The following DNHD1 variants were observed in gnomAD, a reference collection of about 807,000 sequenced individuals.
DNHD1 encodes dynein heavy chain domain-containing protein 1.
A neutral mutation model predicts 458.1 loss-of-function variants in DNHD1; 383 were observed. The ratio of observed to expected loss-of-function variants is 0.84; its 90% confidence interval spans 0.77 to 0.91. DNHD1 has a LOEUF of 0.91. Ranked by LOEUF, DNHD1 falls within the 40% of genes least tolerant of loss-of-function variation. The pLI is 0.00. For synonymous variants in DNHD1, 2,203 were observed against 2,376.9 expected (o/e 0.93, Z 2.13); for missense variants, 5,336 against 5,866.1 (o/e 0.91, Z 2.95).
chr11:6,566,401 C>T lies in DNHD1; in HGVS notation c.11206+8C>T. ...TCTGTGCCATGGAAAAAGGTGAGGC[C>T]CAGAGGGCAAATTGCCAGCACAGTT... On this transcript the variant is annotated splice_region_variant and intron_variant, in intron 34 of 42. Transcript: ENST00000254579. 6.4e-7 allele frequency: 1 copy of T among 1,558,490 alleles called. No individual in the cohort carries two copies. The highest frequency in any genetic ancestry group is 8.7e-7 in the Non-Finnish European group (1 of 1,151,000).
At chr11:6,556,283 A>AT (rs929394747) in intron 24 of DNHD1, among the ~76,000 whole-genome samples, 38 of 151,612 alleles carry the variant, frequency 2.5e-4, no homozygotes, top group Admixed American at 3.9e-4. Context: ...CCTAAAGTTG[A>AT]TTTTTTTTTA....
At chr11:6,569,082 C>T (rs1313662035) in intron 39 of DNHD1, among the ~76,000 whole-genome samples, 1 of 152,132 alleles carries the variant, frequency 6.6e-6, no homozygotes, top group African/African-American at 2.4e-5. Flanking sequence ...CCTTTCTGAG[C>T]AGAGGGACCT....
At position 6,520,529 on chromosome 11, in the gene DNHD1, A is replaced by C. The variant is rs181964488; in HGVS notation, c.1837+240A>C. Reference sequence around the variant, plus strand: ...CGTGCAATGAGAGGGTGTATGAAAGAGTGTGAGTACATTGTCCTTCCAAAC... The same window carrying C: ...CGTGCAATGAGAGGGTGTATGAAAGCGTGTGAGTACATTGTCCTTCCAAAC... On this transcript the variant is annotated intron_variant, in intron 10 of 42. Coordinates refer to ENST00000254579, the MANE Select transcript of DNHD1 (RefSeq NM_144666.3). 1.0e-5 allele frequency: 14 copies of C among 1,371,266 alleles called. 1 individual carries two copies. The Admixed American group carries it at 4.1e-4, about 40-fold the overall frequency. The allele number at this position is 1,371,266 out of a possible 1,614,324, so 84.9% of individuals were successfully genotyped here.
chr11:6,528,563 C>G lies in DNHD1; in HGVS notation c.1879C>G (p.Pro627Ala). The change falls in exon 11 of 43, where the codon CCC becomes GCC. Residue 627 changes from proline (P) to alanine (A), a missense_variant. Around this residue, in one of 4 missense-constraint regions of DNHD1, gnomAD observed 3,932 missense variants for 4,365.6 expected, o/e 0.90. Transcript: ENST00000254579. ...EEDSKDEFLMPKFQGQPSDAV... is the reference protein window; with the variant it reads ...EEDSKDEFLMAKFQGQPSDAV... ...GGACTCAAAAGACGAATTTCTGATG[C>G]CCAAGTTCCAGGGCCAGCCCAGCGA... 6.4e-7 allele frequency: 1 copy of G among 1,551,026 alleles called. No homozygotes were observed. The highest frequency in any genetic ancestry group is 1.2e-5 in the South Asian group (1 of 84,054).
chr11:6,545,349 C>T lies in DNHD1; in HGVS notation c.4410C>T (p.Arg1470=). The change falls in exon 21 of 43, where the codon CGC becomes CGT. Residue 1470 remains arginine, a synonymous_variant. Transcript: ENST00000254579. This position sits in a 1 kb window ranked among gnomAD's most constrained non-coding sequence, Gnocchi z 4.9. ...VHMLQGCVAA[R]LARGPSLGEA... ...TGCTGCAGGGCTGTGTGGCTGCTCG[C>T]CTTGCTCGAGGCCCATCTCTAGGTG... The T allele has an allele frequency of 6.4e-7, 1 of 1,551,782 alleles. No homozygotes were observed. The highest frequency in any genetic ancestry group is 8.7e-7 in the Non-Finnish European group (1 of 1,147,012).
chr11:6,512,252 G>C (rs61554870), intron 7 of DNHD1, among the ~76,000 whole-genome samples: 6 of 107,418 alleles, frequency 5.6e-5, no homozygotes, highest in Non-Finnish European at 1.0e-4. Context: ...ACGGAGTCTC[G>C]CTCTGTCACC....
Position 6,571,005 on chromosome 11 carries a change from C to T in DNHD1, c.13493C>T (p.Thr4498Met). 1.3e-6 allele frequency: 2 copies of T among 1,596,808 alleles called. No homozygotes were observed. Among genetic ancestry groups the T allele is most frequent in the African/African-American group, 2.7e-5 (2 of 74,700 alleles). The change falls in exon 42 of 43, where the codon ACG becomes ATG. Residue 4498 changes from threonine to methionine, a missense_variant. Thr to Met is a moderately conservative substitution (Grantham distance 81). Transcript: ENST00000254579. The surrounding 1 kb of genome is among the most constrained non-coding windows in gnomAD (Gnocchi z 5.0). ...CTAGAACTGAGCCAGTTGGTGGGCA[C>T]GCTACAACGCGACCTTGATTGCCTG... ...EALELSQLVG[T>M]LQRDLDCLLQ...
In DNHD1 at chr11:6,548,951, GGGAA is replaced by G. The variant is rs1853279359; in HGVS notation, c.7387+26_7387+29del. The G allele has an allele frequency of 6.5e-7, 1 of 1,549,924 alleles. No homozygotes were observed. Among genetic ancestry groups the G allele is most frequent in the Admixed American group, 2.0e-5 (1 of 50,432 alleles). On this transcript the variant is annotated intron_variant, in intron 24 of 42. Coordinates refer to ENST00000254579, the MANE Select transcript of DNHD1 (RefSeq NM_144666.3). This position sits in a 1 kb window ranked among gnomAD's most constrained non-coding sequence, Gnocchi z 4.4. ...CACTTCTGGTGAGGAGCTGCGAAGAGGGAAGGAAGGAGCTACTGTCATCTCTTGA... is the reference window on the plus strand; with the variant it reads ...CACTTCTGGTGAGGAGCTGCGAAGAGGGAAGGAGCTACTGTCATCTCTTGA...
At position 6,545,276 on chromosome 11, in the gene DNHD1, A is replaced by C. The variant is rs910046135; in HGVS notation, c.4337A>C (p.Lys1446Thr). Residue 1446 changes from lysine to threonine, a missense_variant, in exon 21 of 43, where the codon AAG becomes ACG. Lys to Thr is a moderately conservative substitution (Grantham distance 78). Coordinates refer to ENST00000254579, the MANE Select transcript of DNHD1 (RefSeq NM_144666.3). This position sits in a 1 kb window ranked among gnomAD's most constrained non-coding sequence, Gnocchi z 4.9. ...GPLPLHPDLP[K>T]WLASLEKCLR... The stretch of plus-strand genomic sequence containing the variant: ...CTTCCTCTGCATCCAGATCTCCCTA[A>C]GTGGCTGGCCTCTCTGGAGAAGTGT... 2 of 1,551,586 alleles carry C rather than the reference A, an allele frequency of 1.3e-6. No homozygotes were observed. The highest frequency in any genetic ancestry group is 2.7e-5 in the African/African-American group (2 of 73,052).
At chr11:6,533,573 A>G (rs1852876585) in intron 13 of DNHD1, 108 bp from the exon 14 acceptor site, 3 of 1,369,696 alleles carry the variant, frequency 2.2e-6, no homozygotes, top group South Asian at 1.5e-5. Flanking sequence ...CAAGGCTGCA[A>G]CTGGGTCTGG....
chr11:6,511,345 G>C lies in DNHD1; in HGVS notation c.1308G>C (p.Leu436=). The change falls in exon 7 of 43, where the codon CTG becomes CTC. Residue 436 remains leucine (L), a synonymous_variant. Transcript: ENST00000254579. ...ATCGGTGCTATGAGCTGCTGGACCT[G>C]CAGACGGCTCTAGCCGAGGAGAAGC... is the stretch of plus-strand genomic sequence containing the variant. ...ELDRCYELLD[L]QTALAEEKHK... 1 of 1,614,226 alleles carries C rather than the reference G, an allele frequency of 6.2e-7. No individual in the cohort carries two copies. The highest frequency in any genetic ancestry group is 8.5e-7 in the Non-Finnish European group (1 of 1,180,050).
rs1853843426 is a variant in DNHD1, at chr11:6,571,275, A to T, written c.13763A>T (p.His4588Leu). Residue 4588 changes from histidine to leucine, a missense_variant, in exon 42 of 43, where the codon CAC becomes CTC. Around this residue, in one of 4 missense-constraint regions of DNHD1, gnomAD observed 698 missense variants for 664.9 expected, o/e 1.05. Transcript: ENST00000254579. This position sits in a 1 kb window ranked among gnomAD's most constrained non-coding sequence, Gnocchi z 5.0. Reference sequence around the variant, plus strand: ...GTCTTCCACCTGTCAGCCTTTCGCCACCCGCGCCGCCTGCTGCTGGCATTG... The same window carrying T: ...GTCTTCCACCTGTCAGCCTTTCGCCTCCCGCGCCGCCTGCTGCTGGCATTG... ...ERVFHLSAFR[H>L]PRRLLLALRG... is the part of the protein sequence containing the mutation. 1 of 1,612,036 alleles carries T rather than the reference A, an allele frequency of 6.2e-7. No homozygotes were observed. Among genetic ancestry groups the T allele is most frequent in the Non-Finnish European group, 8.5e-7 (1 of 1,179,572 alleles).
At position 6,548,659 on chromosome 11, in the gene DNHD1, G is replaced by T. The variant is rs531607618; in HGVS notation, c.7113G>T (p.Leu2371Phe). Reference sequence around the variant, plus strand: ...CTGTCTTGCAGACTGAACGGCTCTTGTATGTGGTGGACCTGCTTCTGTCAG... The same window carrying T: ...CTGTCTTGCAGACTGAACGGCTCTTTTATGTGGTGGACCTGCTTCTGTCAG... ...FHPSIQTERLLYVVDLLLSGG... is the reference protein window; with the variant it reads ...FHPSIQTERLFYVVDLLLSGG... Residue 2371 changes from leucine (L) to phenylalanine (F), a missense_variant, in exon 24 of 43, where the codon TTG (leucine) becomes TTT (phenylalanine). Physicochemically the swap from Leu to Phe is conservative, Grantham distance 22 (BLOSUM62 0). Around this residue, in one of 4 missense-constraint regions of DNHD1, gnomAD observed 3,932 missense variants for 4,365.6 expected, o/e 0.90. Transcript: ENST00000254579. This position sits in a 1 kb window ranked among gnomAD's most constrained non-coding sequence, Gnocchi z 4.4. The T allele has an allele frequency of 3.4e-5, 52 of 1,551,618 alleles. No individual in the cohort carries two copies. In the East Asian group the frequency reaches 1.1e-3, roughly 32 times the overall value.
intron 6 of DNHD1, 144 bp downstream of exon 6, chr11:6,509,416 T>C: frequency 1.5e-6 from 1 of 689,478 alleles, no homozygotes; most frequent in Non-Finnish European, 2.4e-6. Context: ...ATGAACATTT[T>C]GTTGCATATC....
chr11:6,557,396 G>C lies in DNHD1; in HGVS notation c.8101G>C (p.Glu2701Gln), dbSNP rs767796881. 27 of 1,551,144 alleles carry C rather than the reference G, an allele frequency of 1.7e-5. No homozygotes were observed. The highest frequency in any genetic ancestry group is 2.2e-5 in the Non-Finnish European group (25 of 1,147,102). The change falls in exon 25 of 43, where the codon GAG (glutamate) becomes CAG (glutamine). Residue 2701 changes from glutamate to glutamine, a missense_variant. Around this residue, in one of 4 missense-constraint regions of DNHD1, gnomAD observed 3,932 missense variants for 4,365.6 expected, o/e 0.90. Transcript: ENST00000254579. Reference protein sequence around the residue: ...KDHQESEEEEEEERVPEVESE... With the variant: ...KDHQESEEEEQEERVPEVESE... ...CCATCAGGAGAGTGAGGAGGAGGAG[G>C]AGGAGGAGAGGGTGCCCGAAGTAGA...
At position 6,511,350 on chromosome 11, in the gene DNHD1, C is replaced by A. The variant is rs756531239; in HGVS notation, c.1313C>A (p.Thr438Lys). The A allele has an allele frequency of 6.2e-7, 1 of 1,614,244 alleles. No individual in the cohort carries two copies. Among genetic ancestry groups the A allele is most frequent in the East Asian group, 2.2e-5 (1 of 44,878 alleles). ...TGCTATGAGCTGCTGGACCTGCAGA[C>A]GGCTCTAGCCGAGGAGAAGCATAAG... The part of the protein sequence containing the change: ...DRCYELLDLQ[T>K]ALAEEKHKAL... Residue 438 changes from threonine (T) to lysine (K), a missense_variant, in exon 7 of 43, where the codon ACG (threonine) becomes AAG (lysine). Thr to Lys is a moderately conservative substitution (Grantham distance 78). Transcript: ENST00000254579.
At position 6,559,077 on chromosome 11, in the gene DNHD1, A is replaced by T; in HGVS notation, c.9387A>T (p.Thr3129=). The stretch of plus-strand genomic sequence containing the variant: ...CTTTCCTGATGCTGCAGCAACAGAC[A>T]ATCCTGAAGATTAAGAACAAGGCCC... ...LDTFLMLQQQ[T]ILKIKNKAQR... is the part of the protein sequence containing the mutation. Residue 3129 remains threonine (T), a synonymous_variant, in exon 27 of 43, where the codon ACA becomes ACT. Coordinates refer to ENST00000254579, the MANE Select transcript of DNHD1 (RefSeq NM_144666.3). 6.4e-7 allele frequency: 1 copy of T among 1,551,646 alleles called. No individual in the cohort carries two copies. The highest frequency in any genetic ancestry group is 8.7e-7 in the Non-Finnish European group (1 of 1,146,974).
At chr11:6,556,658 C>A in intron 24 of DNHD1, 25 bp from the exon 25 acceptor site, 1 of 1,514,198 alleles carries the variant, frequency 6.6e-7, no homozygotes, top group South Asian at 1.3e-5. Context: ...TACATGTCCT[C>A]ATTATTATTC....
Position 6,571,236 on chromosome 11 carries a change from A to G in DNHD1, c.13724A>G (p.Asp4575Gly). Residue 4575 changes from aspartate to glycine, a missense_variant, in exon 42 of 43, where the codon GAT becomes GGT. By Grantham distance (94) the Asp-to-Gly change is moderately conservative. Around this residue, in one of 4 missense-constraint regions of DNHD1, gnomAD observed 698 missense variants for 664.9 expected, o/e 1.05. Transcript: ENST00000254579. The surrounding 1 kb of genome is among the most constrained non-coding windows in gnomAD (Gnocchi z 5.0). ...YLGVGADASS[D>G]VPERVFHLSA... ...GGCGTGGGCGCGGACGCGAGCAGTG[A>G]TGTACCAGAGCGCGTCTTCCACCTG... 5.6e-6 allele frequency: 9 copies of G among 1,612,574 alleles called. No individual in the cohort carries two copies. The highest frequency in any genetic ancestry group is 7.6e-6 in the Non-Finnish European group (9 of 1,179,704).
Sources: gnomAD v4.1 joint callset for allele counts (sites outside exome capture counted in the v4.1 genomes callset) on GRCh38, gnomAD v4.1.1 for gene constraint, gnomAD v4.1.1 regional missense constraint, Gnocchi (gnomAD v3.1) non-coding constraint, MANE v1.5 for transcripts, NCBI Gene and HGNC (gene_info 2026-07-23, HGNC 2026-07-21) for gene names.